The following RNF13 variants were observed in gnomAD, a reference collection of about 807,000 sequenced individuals.
RNF13 encodes the protein E3 ubiquitin-protein ligase RNF13.
Under a neutral mutation model 37.7 loss-of-function variants are expected in RNF13, and 19 were observed. The observed-to-expected ratio is 0.50, with a 90% CI of 0.35 to 0.74. The LOEUF is 0.74. Among genes scored for constraint, RNF13 ranks in the 30% least tolerant of loss-of-function variants. RNF13 has a pLI of 0.01. For missense variants in RNF13, 375 were observed against 453.0 expected, an observed-to-expected ratio of 0.83 and a Z score of 1.56; for synonymous variants, 144 against 157.8, an observed-to-expected ratio of 0.91 and a Z score of 0.65.
chr3:149,833,118 C>CTCTTTTT (rs1306537184), intron 1 of RNF13, among the ~76,000 whole-genome samples: 2 of 111,906 alleles, frequency 1.8e-5, no homozygotes, highest in African/African-American at 3.4e-5. Flanking sequence ...CTCTCTCTCT[C>CTCTTTTT]TTTTTTTTTT....
chr3:149,895,443 TA>T, intron 4 of RNF13, 29 bp from the exon 5 acceptor site: 4 of 1,036,938 alleles, frequency 3.9e-6, no homozygotes, highest in Admixed American at 2.8e-5. Context: ...CCTTATAACA[TA>T]ATTTTTTTTT....
At chr3:149,954,518 C>T (rs961505426) in intron 8 of RNF13, among the ~76,000 whole-genome samples, 6 of 152,120 alleles carry the variant, frequency 3.9e-5, no homozygotes. Flanking sequence ...AAATATTTGC[C>T]AATGAACCAA....
chr3:149,903,546 C>T (rs1004112925), intron 6 of RNF13, among the ~76,000 whole-genome samples: 5 of 152,070 alleles, frequency 3.3e-5, no homozygotes, highest in Non-Finnish European at 7.4e-5. Flanking sequence ...TTAGTGATCA[C>T]ATGCTCATAA....
intron 8 of RNF13, among the ~76,000 whole-genome samples, chr3:149,950,831 G>A (rs536966772): frequency 6.6e-6 from 1 of 152,168 alleles, no homozygotes; most frequent in East Asian, 1.9e-4. Context: ...ACAAGTGCCC[G>A]TCACTTCTTT....
chr3:149,816,976 GT>G (rs2108304258), intron 1 of RNF13, among the ~76,000 whole-genome samples: 1 of 152,304 alleles, frequency 6.6e-6, no homozygotes, highest in East Asian at 1.9e-4. Flanking sequence ...GGATAGTGAT[GT>G]TATTAACAGA....
At chr3:149,939,893 G>T (rs556332510) in intron 8 of RNF13, 70 of 339,382 alleles carry the variant, frequency 2.1e-4, no homozygotes, top group Non-Finnish European at 3.2e-4. Flanking sequence ...TCACACCAGG[G>T]TATGTGTCTT....
At chr3:149,952,193 C>G (rs1251147284) in intron 8 of RNF13, among the ~76,000 whole-genome samples, 2 of 152,034 alleles carry the variant, frequency 1.3e-5, no homozygotes, top group Non-Finnish European at 2.9e-5. Flanking sequence ...GCTTTAAAAC[C>G]TGGCATGCCC....
intron 8 of RNF13, among the ~76,000 whole-genome samples, chr3:149,950,454 TTTATAA>T (rs1721209987): frequency 6.6e-6 from 1 of 152,146 alleles, no homozygotes; most frequent in African/African-American, 2.4e-5. Flanking sequence ...ATTCTATAGT[TTTATAA>T]TTATATCTGA....
chr3:149,895,146 T>C (rs1262487979), intron 4 of RNF13: 1 of 178,968 alleles, frequency 5.6e-6, no homozygotes, highest in African/African-American at 2.4e-5. Flanking sequence ...TTTTAAAATA[T>C]TATTTTACAT....
intron 8 of RNF13, among the ~76,000 whole-genome samples, chr3:149,953,779 A>C (rs1363770866): frequency 6.6e-6 from 1 of 152,154 alleles, no homozygotes; most frequent in Non-Finnish European, 1.5e-5. Context: ...GCACCCATTC[A>C]TGTGTAAATG....
intron 1 of RNF13, among the ~76,000 whole-genome samples, chr3:149,832,971 C>T (rs1344211148): frequency 3.9e-5 from 6 of 152,074 alleles, no homozygotes; most frequent in Admixed American, 1.3e-4. Context: ...ATCAATTTTT[C>T]TCAAACTCTT....
intron 4 of RNF13, among the ~76,000 whole-genome samples, chr3:149,885,910 A>G (rs1405577136): frequency 6.6e-6 from 1 of 152,204 alleles, no homozygotes; most frequent in Non-Finnish European, 1.5e-5. Context: ...ATATTTTTAT[A>G]TGGCAAGAAA....
At chr3:149,922,983 G>A (rs937879901) in intron 8 of RNF13, among the ~76,000 whole-genome samples, 15 of 152,128 alleles carry the variant, frequency 9.9e-5, no homozygotes, top group Admixed American at 9.8e-4. Context: ...GTGAAAAAGT[G>A]TAGGGAGTGG....
intron 6 of RNF13, 52 bp downstream of exon 6, chr3:149,902,214 A>C (rs751568162): frequency 1.1e-5 from 9 of 814,204 alleles, no homozygotes; most frequent in Non-Finnish European, 1.4e-5. Context: ...CTTTATATTA[A>C]GGTAGAATTA....
At chr3:149,864,805 C>G (rs1724636215) in intron 3 of RNF13, among the ~76,000 whole-genome samples, 1 of 152,014 alleles carries the variant, frequency 6.6e-6, no homozygotes, top group Non-Finnish European at 1.5e-5. Flanking sequence ...TTATGATTTC[C>G]CTTTGCTTAA....
chr3:149,846,278 C>G (rs1415893980), intron 2 of RNF13, 138 bp downstream of exon 2: 1 of 566,930 alleles, frequency 1.8e-6, no homozygotes, highest in Non-Finnish European at 3.1e-6. Context: ...TACACAGTTA[C>G]TTGACATTGA....
intron 1 of RNF13, among the ~76,000 whole-genome samples, chr3:149,843,772 T>C (rs1023526913): frequency 6.6e-6 from 1 of 152,246 alleles, no homozygotes; most frequent in African/African-American, 2.4e-5. Flanking sequence ...GTTTGAATCC[T>C]GGCTCTGCTA....
intron 8 of RNF13, among the ~76,000 whole-genome samples, chr3:149,952,651 G>A (rs955092555): frequency 1.3e-4 from 19 of 151,752 alleles, no homozygotes; most frequent in Non-Finnish European, 1.2e-4. Flanking sequence ...CCAGGCTGGC[G>A]TGCAATAGTG....
At chr3:149,826,176 G>T (rs991110073) in intron 1 of RNF13, among the ~76,000 whole-genome samples, 2 of 152,186 alleles carry the variant, frequency 1.3e-5, no homozygotes, top group Non-Finnish European at 2.9e-5. Flanking sequence ...CCTTGTCAGA[G>T]GGAAATGGAA....
Sources: allele counts gnomAD v4.1 joint callset (sites outside exome capture counted in the v4.1 genomes callset), GRCh38; gene constraint gnomAD v4.1.1; transcripts MANE v1.5; gene names NCBI Gene and HGNC (gene_info 2026-07-23, HGNC 2026-07-21).